Variants in ST3GAL3 observed in about 807,000 individuals in gnomAD.
ST3GAL3 encodes the protein CMP-N-acetylneuraminate-beta-1,4-galactoside alpha-2,3-sialyltransferase.
In ST3GAL3, 21 loss-of-function variants were observed where a neutral mutation model predicts 50.1. The ratio of observed to expected loss-of-function variants is 0.42; its 90% confidence interval spans 0.30 to 0.60. The LOEUF is 0.60. ST3GAL3 is among the 20% of genes least tolerant of loss of function. The probability of loss-of-function intolerance (pLI) is 0.19; values close to 1 mark genes in which losing one functional copy is unlikely to be tolerated. For missense variants in ST3GAL3, 353 were observed against 489.4 expected, an observed-to-expected ratio of 0.72 and a Z score of 2.63; for synonymous variants, 183 against 190.0, an observed-to-expected ratio of 0.96 and a Z score of 0.30.
At chr1:43,915,629 T>C (rs1294801589) in intron 9 of ST3GAL3, among the ~76,000 whole-genome samples, 1 of 152,008 alleles carries the variant, frequency 6.6e-6, no homozygotes, top group East Asian at 1.9e-4. Flanking sequence ...GGATGGGTCA[T>C]GTGGATAGAG....
At chr1:43,854,471 T>C (rs1171394017) in intron 5 of ST3GAL3, among the ~76,000 whole-genome samples, 1 of 152,212 alleles carries the variant, frequency 6.6e-6, no homozygotes, top group African/African-American at 2.4e-5. Context: ...TACCTCTCTG[T>C]TCCTTCTCAG....
In ST3GAL3 at chr1:43,736,342, C is replaced by T. The variant is rs751825349; in HGVS notation, c.80C>T (p.Ala27Val). ...GTACTGGGATTTTTGTATTATTCTG[C>T]GTGGAAGCTACACTTACTCCAGTGG... ...FLVLGFLYYS[A>V]WKLHLLQWEE... The change falls in exon 2 of 12, where the codon GCG becomes GTG. Residue 27 changes from alanine (A) to valine (V), a missense_variant. Physicochemically the swap from Ala to Val is moderately conservative, Grantham distance 64. Coordinates refer to ENST00000347631, the MANE Select transcript of ST3GAL3 (RefSeq NM_006279.5). The T allele has an allele frequency of 2.5e-6, 4 of 1,614,096 alleles. No homozygotes were observed. The highest frequency in any genetic ancestry group is 3.4e-6 in the Non-Finnish European group (4 of 1,180,018).
intron 5 of ST3GAL3, among the ~76,000 whole-genome samples, chr1:43,870,229 G>A (rs915165020): frequency 4.6e-5 from 7 of 152,188 alleles, no homozygotes; most frequent in Non-Finnish European, 1.0e-4. Flanking sequence ...AAATGATATT[G>A]TATAATGAAA....
intron 9 of ST3GAL3, among the ~76,000 whole-genome samples, chr1:43,901,597 A>G (rs1427418831): frequency 1.3e-5 from 2 of 152,228 alleles, no homozygotes; most frequent in Non-Finnish European, 1.5e-5. Flanking sequence ...GCTACTCAGG[A>G]AGCAGACAGC....
intron 9 of ST3GAL3, among the ~76,000 whole-genome samples, chr1:43,905,587 T>C (rs143942314): frequency 0.24 from 1,550 of 6,354 alleles, 369 homozygotes; most frequent in East Asian, 0.63. Context: ...TCCTCCTGCT[T>C]CTCTTCCCGC....
intron 2 of ST3GAL3, among the ~76,000 whole-genome samples, chr1:43,770,941 C>T (rs982230980): frequency 3.9e-5 from 6 of 152,132 alleles, no homozygotes; most frequent in African/African-American, 1.4e-4. Flanking sequence ...CCTACAAGGC[C>T]CTTCATATTC....
chr1:43,899,327 T>C lies in ST3GAL3; in HGVS notation c.557+64T>C, dbSNP rs183316377. 4 of 1,613,426 alleles carry C rather than the reference T, an allele frequency of 2.5e-6. No individual in the cohort carries two copies. Among genetic ancestry groups the C allele is most frequent in the Non-Finnish European group, 3.4e-6 (4 of 1,179,714 alleles). ...GCCCCAACCCTTAGTCCTGAGCCCA[T>C]TGAGAACTGTCTGTCTGGCTAGTTG... On this transcript the variant is annotated intron_variant, in intron 8 of 11. Coordinates refer to ENST00000347631, the MANE Select transcript of ST3GAL3 (RefSeq NM_006279.5). This position sits in a 1 kb window ranked among gnomAD's most constrained non-coding sequence, Gnocchi z 5.4.
At chr1:43,770,764 T>C (rs188961651) in intron 2 of ST3GAL3, among the ~76,000 whole-genome samples, 10 of 152,296 alleles carry the variant, frequency 6.6e-5, no homozygotes, top group Admixed American at 1.3e-4. Flanking sequence ...TCTTATTGCT[T>C]GGAAGGGAGA....
At chr1:43,730,258 T>G (rs1327788732) in intron 1 of ST3GAL3, among the ~76,000 whole-genome samples, 1 of 152,220 alleles carries the variant, frequency 6.6e-6, no homozygotes, top group African/African-American at 2.4e-5. Context: ...CTGCATCTGT[T>G]GACTCACTGA....
intron 5 of ST3GAL3, among the ~76,000 whole-genome samples, chr1:43,868,259 A>G (rs2071810823): frequency 1.0e-5 from 1 of 98,334 alleles, no homozygotes; most frequent in Non-Finnish European, 1.9e-5. Context: ...ATGGGACACT[A>G]TATATAAGGT....
chr1:43,753,047 A>G (rs1686760634), intron 2 of ST3GAL3, among the ~76,000 whole-genome samples: 1 of 152,258 alleles, frequency 6.6e-6, no homozygotes, highest in African/African-American at 2.4e-5. Flanking sequence ...CTCATTGTAA[A>G]GGTTATAACT....
At chr1:43,781,478 G>A (rs1572741435) in intron 2 of ST3GAL3, among the ~76,000 whole-genome samples, 1 of 152,028 alleles carries the variant, frequency 6.6e-6, no homozygotes, top group East Asian at 1.9e-4. Flanking sequence ...AGGCATGGTG[G>A]CACACACCTC....
At chr1:43,789,476 A>G (rs1475183378) in intron 2 of ST3GAL3, among the ~76,000 whole-genome samples, 2 of 152,188 alleles carry the variant, frequency 1.3e-5, no homozygotes, top group African/African-American at 4.8e-5. Flanking sequence ...AGTGAATTTC[A>G]TGGTACGTGA....
intron 5 of ST3GAL3, chr1:43,879,380 A>T (rs754413270): frequency 2.2e-6 from 1 of 456,168 alleles, no homozygotes; most frequent in Non-Finnish European, 4.4e-6. Context: ...GGTATGGTTG[A>T]TGATTTATCA....
intron 1 of ST3GAL3, among the ~76,000 whole-genome samples, chr1:43,710,723 C>T (rs1664297802): frequency 6.6e-6 from 1 of 152,214 alleles, no homozygotes; most frequent in African/African-American, 2.4e-5. Context: ...TAAATAGTCT[C>T]CTTGACTTTA....
chr1:43,857,884 G>A (rs1449737937), intron 5 of ST3GAL3, among the ~76,000 whole-genome samples: 3 of 152,122 alleles, frequency 2.0e-5, no homozygotes, highest in Admixed American at 1.3e-4. Context: ...CCAAAGTGCT[G>A]GGATTACAGG....
chr1:43,889,468 C>T (rs545032618), intron 5 of ST3GAL3, among the ~76,000 whole-genome samples: 3 of 152,206 alleles, frequency 2.0e-5, no homozygotes, highest in African/African-American at 7.2e-5. Context: ...AACAAATGAA[C>T]CTAACTATGT....
intron 1 of ST3GAL3, among the ~76,000 whole-genome samples, chr1:43,723,173 A>C (rs1170226166): frequency 6.6e-6 from 1 of 151,504 alleles, no homozygotes; most frequent in Non-Finnish European, 1.5e-5. Context: ...CAGTGGCATG[A>C]AGTGGGCTCA....
At chr1:43,885,725 T>C (rs921510853) in intron 5 of ST3GAL3, among the ~76,000 whole-genome samples, 1 of 152,184 alleles carries the variant, frequency 6.6e-6, no homozygotes. Context: ...ACCCCGACAT[T>C]TCCTGTTGTT....
Sources: allele counts gnomAD v4.1 joint callset (sites outside exome capture counted in the v4.1 genomes callset), GRCh38; gene constraint gnomAD v4.1.1; non-coding constraint Gnocchi (gnomAD v3.1); transcripts MANE v1.5; gene names NCBI Gene and HGNC (gene_info 2026-07-23, HGNC 2026-07-21).